VRK2: variants seen among roughly 807,000 people sequenced by gnomAD.
The protein encoded by VRK2 is VRK serine/threonine kinase 2.
Under a neutral mutation model 57.6 loss-of-function variants are expected in VRK2, and 60 were observed. The observed-to-expected ratio is 1.04, with a 90% confidence interval of 0.85 to 1.29. The LOEUF is 1.29. VRK2 is among the 50% of genes most tolerant of loss of function. The probability of loss-of-function intolerance (pLI) is 0.00; values close to 1 mark genes in which losing one functional copy is unlikely to be tolerated. For synonymous variants in VRK2, 231 were observed against 199.2 expected, an observed-to-expected ratio of 1.16 and a Z score of -1.35; for missense variants, 705 against 588.1, an observed-to-expected ratio of 1.20 and a Z score of -2.06.
chr2:57,916,280 C>T (rs1670145903), intron 1 of VRK2, among the ~76,000 whole-genome samples: 1 of 151,900 alleles, frequency 6.6e-6, no homozygotes, highest in South Asian at 2.1e-4. Flanking sequence ...GTGGCACATA[C>T]CTGTAATCCC....
chr2:58,128,648 A>T (rs1678721034), intron 8 of VRK2, among the ~76,000 whole-genome samples: 1 of 152,130 alleles, frequency 6.6e-6, no homozygotes, highest in Non-Finnish European at 1.5e-5. Context: ...TAATTGCAAG[A>T]TTGAGCACGG....
intron 2 of VRK2, among the ~76,000 whole-genome samples, chr2:58,030,753 G>A (rs1572803655): frequency 6.6e-6 from 1 of 152,156 alleles, no homozygotes; most frequent in Non-Finnish European, 1.5e-5. Flanking sequence ...GTAATAGCAT[G>A]GGGTTGAAAG....
chr2:58,122,647 A>G (rs1362338470), intron 7 of VRK2, among the ~76,000 whole-genome samples: 4 of 152,198 alleles, frequency 2.6e-5, no homozygotes, highest in African/African-American at 7.2e-5. Context: ...GGACCTGTGC[A>G]GTTCAAACCC....
At chr2:58,120,179 C>CTTTTGTTTTTTTTTTTTTTTTTTTTTTTT (rs1677207512) in intron 7 of VRK2, among the ~76,000 whole-genome samples, 1 of 93,370 alleles carries the variant, frequency 1.1e-5, no homozygotes, top group African/African-American at 4.6e-5. Flanking sequence ...ATTTTTTTTT[C>CTTTTGTTTTTTTTTTTTTTTTTTTTTTTT]TTTTCTTTTT....
chr2:58,048,729 G>A, intron 1 of VRK2, 98 bp from the exon 2 acceptor site: 1 of 1,511,338 alleles, frequency 6.6e-7, no homozygotes, highest in South Asian at 1.3e-5. Flanking sequence ...GGGAACCTGG[G>A]AAAGTTCCCT....
Position 58,159,723 on chromosome 2 carries a change from T to G in VRK2, c.*30T>G, listed in dbSNP as rs751435009. ...GATACCAAAATTCCTTTTGATAATT[T>G]TTTAAGTTTCCAGCTCTTCACCGAA... On this transcript the variant is annotated 3_prime_UTR_variant, in exon 13 of 13. Transcript: ENST00000340157. 2 of 1,612,068 alleles carry G rather than the reference T, an allele frequency of 1.2e-6. No individual in the cohort carries two copies. The highest frequency in any genetic ancestry group is 1.7e-6 in the Non-Finnish European group (2 of 1,179,428).
chr2:58,034,819 A>T (rs1572809020), intron 3 of VRK2, among the ~76,000 whole-genome samples: 1 of 151,980 alleles, frequency 6.6e-6, no homozygotes, highest in African/African-American at 2.4e-5. Context: ...TATTCCTTCA[A>T]AATATTTATT....
At chr2:58,002,019 A>G (rs1164733162) in intron 1 of VRK2, among the ~76,000 whole-genome samples, 1 of 152,192 alleles carries the variant, frequency 6.6e-6, no homozygotes, top group Non-Finnish European at 1.5e-5. Flanking sequence ...AATCTAAATA[A>G]TGGTTGAATT....
chr2:57,996,136 TA>T lies in VRK2; in HGVS notation c.-438-29528del, dbSNP rs1672915447. Among the ~76,000 whole-genome samples, 3 of 152,236 alleles carry T rather than the reference TA, an allele frequency of 2.0e-5. No homozygotes were observed. The South Asian group carries it at 6.2e-4, about 32-fold the overall frequency. The stretch of plus-strand genomic sequence containing the variant: ...TATATGCAAATACTATGCCATTTTA[TA>T]CAAGGGACTTAAACATCCAACAGAT... On this transcript the variant is annotated intron_variant, in intron 1 of 15. Transcript: ENST00000417641.
At chr2:58,022,171 C>T (rs1257525986) in intron 1 of VRK2, among the ~76,000 whole-genome samples, 2 of 152,186 alleles carry the variant, frequency 1.3e-5, no homozygotes, top group Admixed American at 1.3e-4. Flanking sequence ...GTCAGGCTCA[C>T]AAAATAGTGT....
At chr2:58,148,899 G>A (rs116526170) in intron 12 of VRK2, among the ~76,000 whole-genome samples, 1,538 of 151,766 alleles carry the variant, frequency 0.01, 23 homozygotes, top group African/African-American at 0.034. Flanking sequence ...AATTACTGTC[G>A]CTTTACAGCA....
intron 1 of VRK2, among the ~76,000 whole-genome samples, chr2:57,998,615 G>A (rs962419880): frequency 6.6e-6 from 1 of 152,052 alleles, no homozygotes; most frequent in Admixed American, 6.6e-5. Flanking sequence ...AGATTATATT[G>A]AGAATTTTAT....
rs139006158 is a variant in VRK2 at position 58,034,279 on chromosome 2, T to C, written c.-6+726T>C. The stretch of plus-strand genomic sequence containing the variant: ...CTGCTAACACCTCTCACAGTTGTTG[T>C]TTTGGGGCCTTAGCAAATTTCTTCC... On this transcript the variant is annotated intron_variant, in intron 3 of 15. Transcript: ENST00000417641. Among the ~76,000 whole-genome samples the C allele has an allele frequency of 1.0e-3, 158 of 152,136 alleles. 1 individual carries two copies. The highest frequency in any genetic ancestry group is 3.7e-3 in the African/African-American group (152 of 41,524).
At chr2:58,126,323 G>A (rs1362438425) in intron 8 of VRK2, among the ~76,000 whole-genome samples, 3 of 152,060 alleles carry the variant, frequency 2.0e-5, no homozygotes, top group African/African-American at 7.2e-5. Context: ...CAGACTGTCT[G>A]TTCTGTGCTA....
At chr2:58,119,129 C>G (rs2104463371) in intron 7 of VRK2, among the ~76,000 whole-genome samples, 1 of 152,248 alleles carries the variant, frequency 6.6e-6, no homozygotes, top group South Asian at 2.1e-4. Context: ...AGAGGCCTAA[C>G]AGAGACAGCG....
At chr2:57,954,651 A>C (rs924734314) in intron 1 of VRK2, among the ~76,000 whole-genome samples, 1 of 152,034 alleles carries the variant, frequency 6.6e-6, no homozygotes, top group Non-Finnish European at 1.5e-5. Flanking sequence ...GAGTGTTGCT[A>C]TATGATGATG....
chr2:57,921,521 CA>C (rs1670349043), intron 1 of VRK2, among the ~76,000 whole-genome samples: 1 of 151,952 alleles, frequency 6.6e-6, no homozygotes, highest in Admixed American at 6.6e-5. Flanking sequence ...TGAATTTTCC[CA>C]GCAATGTCTG....
At chr2:58,039,387 C>G (rs944640198) in intron 3 of VRK2, among the ~76,000 whole-genome samples, 1 of 152,056 alleles carries the variant, frequency 6.6e-6, no homozygotes, top group Non-Finnish European at 1.5e-5. Context: ...CCACAAAAAA[C>G]TTTCATATTC....
intron 3 of VRK2, among the ~76,000 whole-genome samples, chr2:58,035,821 A>G (rs182944730): frequency 6.6e-6 from 1 of 152,172 alleles, no homozygotes; most frequent in Admixed American, 6.6e-5. Context: ...CAACCACGTT[A>G]TGTGTGAAAA....
Sources: allele counts gnomAD v4.1 joint callset (sites outside exome capture counted in the v4.1 genomes callset), GRCh38; gene constraint gnomAD v4.1.1; transcripts MANE v1.5; gene names NCBI Gene and HGNC (gene_info 2026-07-23, HGNC 2026-07-21).